The following UNC79 variants were observed in gnomAD, a reference collection of about 807,000 sequenced individuals.
UNC79 encodes the protein unc-79 subunit of NALCN channel complex.
A neutral mutation model predicts 283.1 loss-of-function variants in UNC79; 37 were observed. The ratio of observed to expected loss-of-function variants is 0.13; its 90% CI spans 0.10 to 0.17. The LOEUF (loss-of-function observed/expected upper bound fraction) is 0.17. Among genes scored for constraint, UNC79 ranks in the 10% least tolerant of loss-of-function variants. The probability of loss-of-function intolerance (pLI) is 1.00; values close to 1 mark genes in which losing one functional copy is unlikely to be tolerated. For synonymous variants in UNC79, 1,107 were observed against 1,200.2 expected (o/e 0.92, Z 1.61); for missense variants, 2,272 against 3,211.1 (o/e 0.71, Z 7.07).
At chr14:93,466,964 C>T in intron 1 of UNC79, 1 of 955,628 alleles carries the variant, frequency 1.0e-6, no homozygotes, top group Non-Finnish European at 1.2e-6. Context: ...TCTGGGCAGC[C>T]AAGCTCAGAA....
intron 37 of UNC79, among the ~76,000 whole-genome samples, 158 bp from the exon 41 acceptor site, chr14:93,655,076 C>T (rs753492520): frequency 1.3e-5 from 2 of 152,172 alleles, no homozygotes; most frequent in African/African-American, 2.4e-5. Context: ...ACGATTTTCT[C>T]GTTATCCTTC....
At chr14:93,657,928 G>A (rs2071131093) in intron 38 of UNC79, among the ~76,000 whole-genome samples, 1 of 152,146 alleles carries the variant, frequency 6.6e-6, no homozygotes, top group African/African-American at 2.4e-5. Context: ...CAGGCTTCTG[G>A]TTGTCTGTCT....
At chr14:93,662,485 AAC>A in intron 39 of UNC79, 117 bp from the exon 43 acceptor site, 1 of 687,254 alleles carries the variant, frequency 1.5e-6, no homozygotes, top group Non-Finnish European at 2.4e-6. Context: ...GCCACTGGGC[AAC>A]AGAGTTTTCA....
At chr14:93,457,872 C>T (rs2056840176) in intron 1 of UNC79, among the ~76,000 whole-genome samples, 1 of 151,910 alleles carries the variant, frequency 6.6e-6, no homozygotes, top group Non-Finnish European at 1.5e-5. Context: ...CCAATAGGGC[C>T]AATAAGTAGA....
In UNC79 at chr14:93,674,748, T is replaced by C. The variant is rs1596322259; in HGVS notation, c.6741+1293T>C. Among the ~76,000 whole-genome samples, 6 of 152,324 alleles carry C rather than the reference T, an allele frequency of 3.9e-5. 1 individual carries two copies. Among genetic ancestry groups the C allele is most frequent in the Admixed American group, 3.9e-4 (6 of 15,302 alleles). ...GGGAACACTAATGGAGGACCTATTA[T>C]GTGTTAAGCATTTGATCCTTACAGC... On this transcript the variant is annotated intron_variant, in intron 41 of 48. Transcript: ENST00000555664.
intron 1 of UNC79, 102 bp downstream of exon 1, chr14:93,431,153 G>C (rs1397523866): frequency 3.3e-6 from 2 of 605,464 alleles, no homozygotes; most frequent in Non-Finnish European, 6.1e-6. Flanking sequence ...GTGCTGGTGC[G>C]GGGGTGGGGG....
exon 22 of UNC79, chr14:93,586,847 A>G (rs2064255072): frequency 6.2e-7 from 1 of 1,614,072 alleles, no homozygotes; most frequent in Non-Finnish European, 8.5e-7. Context: ...ATGTTTATAC[A>G]TTGCCAGAAA....
intron 2 of UNC79, among the ~76,000 whole-genome samples, chr14:93,472,307 T>C (rs2057550185): frequency 6.6e-6 from 1 of 152,068 alleles, no homozygotes; most frequent in South Asian, 2.1e-4. Flanking sequence ...TTAGGAATAA[T>C]TGAGTCATGT....
chr14:93,574,839 GACCT>G (rs2141650258), intron 16 of UNC79, among the ~76,000 whole-genome samples: 1 of 151,942 alleles, frequency 6.6e-6, no homozygotes, highest in South Asian at 2.1e-4. Flanking sequence ...AGAACATGGT[GACCT>G]ATTGGATGCT....
At chr14:93,394,285 G>A (rs2140013392) in intron 1 of UNC79, among the ~76,000 whole-genome samples, 1 of 151,770 alleles carries the variant, frequency 6.6e-6, no homozygotes, top group Non-Finnish European at 1.5e-5. Flanking sequence ...TCTAAGAGCT[G>A]TACATTCTTA....
intron 19 of UNC79, among the ~76,000 whole-genome samples, chr14:93,581,699 G>T (rs958956957): frequency 7.3e-5 from 11 of 151,684 alleles, no homozygotes; most frequent in African/African-American, 2.7e-4. Flanking sequence ...TCACCATGTT[G>T]GTCAGGCTGG....
chr14:93,481,664 G>A (rs951238447), intron 4 of UNC79, among the ~76,000 whole-genome samples: 2 of 152,046 alleles, frequency 1.3e-5, no homozygotes, highest in African/African-American at 2.4e-5. Context: ...AGGCAATTGC[G>A]TGACTTACCA....
At position 93,511,086 on chromosome 14, in the gene UNC79, G is replaced by A. The variant is rs552950937; in HGVS notation, c.899-12892G>A. Among the ~76,000 whole-genome samples, 57 of 152,260 alleles carry A rather than the reference G, an allele frequency of 3.7e-4. 1 individual carries two copies. The South Asian group carries it at 0.011, about 29-fold the overall frequency. ...GGGGGAAGCGGGCACATCTTCAAGCGGTGGCAGGAGGGAGAGGTGGTGGGG... is the reference window on the plus strand; with the variant it reads ...GGGGGAAGCGGGCACATCTTCAAGCAGTGGCAGGAGGGAGAGGTGGTGGGG... On this transcript the variant is annotated intron_variant, in intron 7 of 48. Transcript: ENST00000555664.
intron 7 of UNC79, among the ~76,000 whole-genome samples, chr14:93,500,915 T>C (rs1036428210): frequency 6.6e-6 from 1 of 152,234 alleles, no homozygotes; most frequent in African/African-American, 2.4e-5. Flanking sequence ...CCCCAAATAT[T>C]CTTAATGAAA....
At chr14:93,482,008 C>T (rs1302446489) in intron 4 of UNC79, among the ~76,000 whole-genome samples, 1 of 152,164 alleles carries the variant, frequency 6.6e-6, no homozygotes, top group Non-Finnish European at 1.5e-5. Flanking sequence ...GGATAACTTC[C>T]TGTGTCTACA....
At position 93,654,042 on chromosome 14, in the gene UNC79, GAC is replaced by G. The variant is rs1429724585; in HGVS notation, c.6282+20_6282+21del. 18 of 1,612,860 alleles carry G rather than the reference GAC, an allele frequency of 1.1e-5. No homozygotes were observed. Among genetic ancestry groups the G allele is most frequent in the Admixed American group, 8.3e-5 (5 of 59,974 alleles). ...CTCCTAGAGGTGGGTTTCCTTTAATGACACCCTAAGCCCCAGCCGAAACTCTA... is the reference window on the plus strand; with the variant it reads ...CTCCTAGAGGTGGGTTTCCTTTAATGACCCTAAGCCCCAGCCGAAACTCTA... On this transcript the variant is annotated intron_variant, in intron 37 of 48. Transcript: ENST00000555664.
chr14:93,426,902 T>C (rs2055743947), upstream of UNC79, among the ~76,000 whole-genome samples: 1 of 152,184 alleles, frequency 6.6e-6, no homozygotes, highest in African/African-American at 2.4e-5. Context: ...TTTCCTTGTT[T>C]CTTTGTGTGT....
At chr14:93,431,890 T>C (rs1191032695) in intron 1 of UNC79, among the ~76,000 whole-genome samples, 1 of 152,228 alleles carries the variant, frequency 6.6e-6, no homozygotes, top group Non-Finnish European at 1.5e-5. Context: ...GCTTGGTAGG[T>C]TGATCAATGT....
Position 93,437,792 on chromosome 14 carries a change from C to T in UNC79, c.22+6741C>T, listed in dbSNP as rs2056144569. Among the ~76,000 whole-genome samples, 3 of 152,254 alleles carry T rather than the reference C, an allele frequency of 2.0e-5. No homozygotes were observed. In the East Asian group the frequency reaches 5.8e-4, roughly 29 times the overall value. On this transcript the variant is annotated intron_variant, in intron 1 of 48. Transcript: ENST00000555664. ...AATCTCTGCCTCCATCTTTACACAG[C>T]CTGTGTCTCTGTATCCAAACCTCTC...
Sources: gnomAD v4.1 joint callset for allele counts (sites outside exome capture counted in the v4.1 genomes callset) on GRCh38, gnomAD v4.1.1 for gene constraint, MANE v1.5 for transcripts, NCBI Gene and HGNC (gene_info 2026-07-23, HGNC 2026-07-21) for gene names.